EMG1: variants seen among roughly 807,000 people sequenced by gnomAD.
The protein encoded by EMG1 is EMG1 N1-specific pseudouridine methyltransferase.
EMG1 carries 24 observed loss-of-function variants against 26.9 expected under a neutral mutation model. The ratio of observed to expected loss-of-function variants is 0.89; its 90% CI spans 0.65 to 1.26. EMG1 has a LOEUF of 1.26. Among genes scored for constraint, EMG1 ranks in the 50% most tolerant of loss-of-function variants. The pLI, the probability that EMG1 is intolerant of heterozygous loss-of-function variation, is 0.00. For synonymous variants in EMG1, 140 were observed against 112.6 expected, an observed-to-expected ratio of 1.24 and a Z score of -1.54; for missense variants, 299 against 307.6, an observed-to-expected ratio of 0.97 and a Z score of 0.21.
At position 6,977,757 on chromosome 12, in the gene EMG1, G is replaced by A; in HGVS notation, c.*1948G>A. 1 of 1,613,838 alleles carries A rather than the reference G, an allele frequency of 6.2e-7. No homozygotes were observed. Among genetic ancestry groups the A allele is most frequent in the Non-Finnish European group, 8.5e-7 (1 of 1,179,970 alleles). Reference sequence around the variant, plus strand: ...GTTTGAAGATGTAGCTGGAGAAAAGGGTGGGTGGGGCGACCCTCAAACTGA... The same window carrying A: ...GTTTGAAGATGTAGCTGGAGAAAAGAGTGGGTGGGGCGACCCTCAAACTGA... On this transcript the variant is annotated 3_prime_UTR_variant, in exon 6 of 6. Coordinates refer to ENST00000599672, the MANE Select transcript of EMG1 (RefSeq NM_006331.8). This position sits in a 1 kb window ranked among gnomAD's most constrained non-coding sequence, Gnocchi z 4.5.
intron 1 of EMG1, among the ~76,000 whole-genome samples, chr12:6,971,962 T>G (rs781866427): frequency 6.6e-6 from 1 of 152,218 alleles, no homozygotes; most frequent in African/African-American, 2.4e-5. Flanking sequence ...GGCAGTGTTC[T>G]TCCTCCTCCT....
rs187418553 is a variant in EMG1 at position 6,985,321 on chromosome 12, G to A, written c.*154+2115G>A. On this transcript the variant is annotated intron_variant and NMD_transcript_variant, in intron 6 of 7. Transcript: ENST00000261406. ...TGAGGCAGGAGAATGGCATGAACAC[G>A]GGAGGCGGAGCTTGCAGTGAGCTGA... 1.7e-3 allele frequency among the ~76,000 whole-genome samples: 260 copies of A among 151,888 alleles called. 1 individual carries two copies. The South Asian group carries it at 0.03, about 18-fold the overall frequency.
chr12:6,993,393 C>T (rs1946606819), intron 7 of EMG1, among the ~76,000 whole-genome samples: 1 of 151,406 alleles, frequency 6.6e-6, no homozygotes, highest in Admixed American at 6.6e-5. Context: ...GAGATTGCGC[C>T]ACTGCACTCC....
chr12:6,983,405 G>C (rs782147323), downstream of EMG1: 4 of 1,444,838 alleles, frequency 2.8e-6, no homozygotes, highest in Non-Finnish European at 3.9e-6. Flanking sequence ...ACTAATTGCG[G>C]TGTCACTGCT....
intron 6 of EMG1, among the ~76,000 whole-genome samples, chr12:6,985,675 A>T (rs1946517807): frequency 4.0e-5 from 6 of 151,872 alleles, no homozygotes; most frequent in Admixed American, 3.9e-4. Context: ...AGATCGTGCC[A>T]TTGCACTCCA....
At chr12:6,990,559 AAATAAATT>A (rs140962088), downstream of EMG1, among the ~76,000 whole-genome samples, 5,148 of 145,840 alleles carry the variant, frequency 0.035, 124 homozygotes, top group Middle Eastern at 0.076. Context: ...ATAAATAAAT[AAATAAATT>A]GAGCACCCCA....
intron 7 of EMG1, among the ~76,000 whole-genome samples, chr12:6,995,078 A>G (rs1400598263): frequency 6.6e-6 from 1 of 150,654 alleles, no homozygotes; most frequent in Non-Finnish European, 1.5e-5. Flanking sequence ...CAAACTCTGT[A>G]TAACTAAGGC....
chr12:6,975,181 G>C, intron 4 of EMG1, 33 bp downstream of exon 4: 1 of 1,613,976 alleles, frequency 6.2e-7, no homozygotes, highest in Non-Finnish European at 8.5e-7. Flanking sequence ...TTGAAGGCTG[G>C]TTCTGGGAAT....
rs782644384 is a variant in EMG1, at chr12:6,974,578, C to A, written c.297C>A (p.Pro99=). 1 of 1,613,952 alleles carries A rather than the reference C, an allele frequency of 6.2e-7. No individual in the cohort carries two copies. Among genetic ancestry groups the A allele is most frequent in the South Asian group, 1.1e-5 (1 of 91,082 alleles). The part of the protein sequence containing the change: ...HQSLLMLMDS[P]LNRAGLLQVY... Reference sequence around the variant, plus strand: ...GTTTGCTGATGCTGATGGATAGTCCCCTGAACCGAGCTGGCTTGCTACAGG... The same window carrying A: ...GTTTGCTGATGCTGATGGATAGTCCACTGAACCGAGCTGGCTTGCTACAGG... The change falls in exon 3 of 6, where the codon CCC becomes CCA. Residue 99 remains proline, a synonymous_variant. Coordinates refer to ENST00000599672, the MANE Select transcript of EMG1 (RefSeq NM_006331.8).
Position 6,977,799 on chromosome 12 carries a change from G to A in EMG1, c.*1990G>A, listed in dbSNP as rs1042600357. 8.1e-6 allele frequency: 13 copies of A among 1,602,818 alleles called. No individual in the cohort carries two copies. Among genetic ancestry groups the A allele is most frequent in the East Asian group, 4.5e-5 (2 of 44,794 alleles). ...TCAAACTGACTGGTCCTTGCATCCC[G>A]CCACCTGCCTCTGGGTCCTCACCCT... On this transcript the variant is annotated 3_prime_UTR_variant, in exon 6 of 6. Coordinates refer to ENST00000599672, the MANE Select transcript of EMG1 (RefSeq NM_006331.8). This position sits in a 1 kb window ranked among gnomAD's most constrained non-coding sequence, Gnocchi z 4.5.
chr12:6,996,418 T>G (rs1946636342), intron 7 of EMG1, among the ~76,000 whole-genome samples: 1 of 152,190 alleles, frequency 6.6e-6, no homozygotes, highest in Non-Finnish European at 1.5e-5. Flanking sequence ...CTTTCCTGCT[T>G]TTTCTATTTT....
At chr12:6,980,852 C>T, downstream of EMG1, 1 of 618,368 alleles carries the variant, frequency 1.6e-6, no homozygotes, top group Non-Finnish European at 2.6e-6. Context: ...AAAGGGCCCA[C>T]TCCTGGCACA....
At chr12:6,972,879 C>G (rs782318208) in intron 1 of EMG1, among the ~76,000 whole-genome samples, 1 of 152,220 alleles carries the variant, frequency 6.6e-6, no homozygotes, top group Non-Finnish European at 1.5e-5. Context: ...TGCTCTGTTG[C>G]CTGGGCAACA....
At position 6,979,236 on chromosome 12, in the gene EMG1, A is replaced by T. The variant is rs1555153752; in HGVS notation, c.*3427A>T. 9.1e-6 allele frequency: 5 copies of T among 550,702 alleles called. No homozygotes were observed. The highest frequency in any genetic ancestry group is 1.6e-5 in the Non-Finnish European group (5 of 309,514). 34.1% of individuals were successfully genotyped at this position (550,702 alleles called of 1,614,324 possible). ...GCAAGCTAGGAGCGGCTCCTAGAGA[A>T]GGCAACGGGTGCTAAATGTGCACCT... On this transcript the variant is annotated 3_prime_UTR_variant, in exon 6 of 6. Coordinates refer to ENST00000599672, the MANE Select transcript of EMG1 (RefSeq NM_006331.8).
rs782336148 is a variant in EMG1 at position 6,978,481 on chromosome 12, C to T, written c.*2672C>T. The T allele has an allele frequency of 5.6e-6, 9 of 1,613,716 alleles. No homozygotes were observed. Among genetic ancestry groups the T allele is most frequent in the Non-Finnish European group, 6.8e-6 (8 of 1,179,680 alleles). ...CCTTTTCTTCAAAGCCATTGAAGCC[C>T]AGGCCCGTCAAAATGCATACTCCTT... On this transcript the variant is annotated 3_prime_UTR_variant, in exon 6 of 6. Transcript: ENST00000599672.
Position 6,975,343 on chromosome 12 carries a change from A to AGC in EMG1, c.586_587insGC (p.Ile196SerfsTer6). On this transcript the variant is annotated frameshift_variant, in exon 5 of 6. Coordinates refer to ENST00000599672, the MANE Select transcript of EMG1 (RefSeq NM_006331.8). LOFTEE classifies it high-confidence loss of function. ...TGAGCTGGTGCCCAGCAGTGATCCT[A>AGC]TTGTTTTTGTGGTAGGGGCCTTTGC... 1 of 1,606,354 alleles carries AGC rather than the reference A, an allele frequency of 6.2e-7. No individual in the cohort carries two copies. Among genetic ancestry groups the AGC allele is most frequent in the East Asian group, 2.2e-5 (1 of 44,744 alleles).
At position 6,978,546 on chromosome 12, in the gene EMG1, C is replaced by T. The variant is rs1946435507; in HGVS notation, c.*2737C>T. ...GCTCAGTTAGGGCTCTTGCCACTCCCCATACTGGCCCCCATGGCTTGTCTA... is the reference window on the plus strand; with the variant it reads ...GCTCAGTTAGGGCTCTTGCCACTCCTCATACTGGCCCCCATGGCTTGTCTA... On this transcript the variant is annotated 3_prime_UTR_variant, in exon 6 of 6. Transcript: ENST00000599672. 6.2e-7 allele frequency: 1 copy of T among 1,612,630 alleles called. No homozygotes were observed. The highest frequency in any genetic ancestry group is 1.7e-4 in the Middle Eastern group (1 of 6,054).
intron 7 of EMG1, among the ~76,000 whole-genome samples, chr12:6,996,032 G>A (rs782106095): frequency 6.6e-6 from 1 of 152,216 alleles, no homozygotes; most frequent in South Asian, 2.1e-4. Flanking sequence ...TCACTCCTCT[G>A]CTCAAAGCCC....
chr12:6,978,217 G>A lies in EMG1; in HGVS notation c.*2408G>A. 1 of 1,169,830 alleles carries A rather than the reference G, an allele frequency of 8.5e-7. No individual in the cohort carries two copies. Among genetic ancestry groups the A allele is most frequent in the Non-Finnish European group, 1.2e-6 (1 of 825,948 alleles). The allele number at this position is 1,169,830 out of a possible 1,614,324, so 72.5% of individuals were successfully genotyped here. ...TAGGTGGGGGTCAAAGTCAGTGTGA[G>A]CGACAGGGGGTTCTGCCCAGATGGG... On this transcript the variant is annotated 3_prime_UTR_variant, in exon 6 of 6. Coordinates refer to ENST00000599672, the MANE Select transcript of EMG1 (RefSeq NM_006331.8).
Sources: gnomAD v4.1 joint callset for allele counts (sites outside exome capture counted in the v4.1 genomes callset) on GRCh38, gnomAD v4.1.1 for gene constraint, Gnocchi (gnomAD v3.1) non-coding constraint, MANE v1.5 for transcripts, NCBI Gene and HGNC (gene_info 2026-07-23, HGNC 2026-07-21) for gene names.